The following GRM5 variants were observed in gnomAD, a reference collection of about 807,000 sequenced individuals.
GRM5 encodes the protein metabotropic glutamate receptor 5.
GRM5 carries 19 observed loss-of-function variants against 83.1 expected under a neutral mutation model. The ratio of observed to expected loss-of-function variants is 0.23; its 90% confidence interval spans 0.16 to 0.34. The LOEUF (loss-of-function observed/expected upper bound fraction) is 0.34, where lower values mean the gene tolerates loss of function less well. Ranked by LOEUF, GRM5 falls within the 10% of genes least tolerant of loss-of-function variation. The pLI is 1.00. For synonymous variants in GRM5, 675 were observed against 633.6 expected, an observed-to-expected ratio of 1.07 and a Z score of -0.98; for missense variants, 1,160 against 1,588.3, an observed-to-expected ratio of 0.73 and a Z score of 4.58.
At chr11:88,802,533 C>T (rs1051122049) in intron 3 of GRM5, among the ~76,000 whole-genome samples, 1 of 152,064 alleles carries the variant, frequency 6.6e-6, no homozygotes, top group African/African-American at 2.4e-5. Flanking sequence ...TGGGACATAT[C>T]CCAAAATAAT....
Position 88,814,791 on chromosome 11 carries a change from C to T in GRM5, c.911+35115G>A, listed in dbSNP as rs892340205. On this transcript the variant is annotated intron_variant, in intron 3 of 9. Coordinates refer to ENST00000305447, the MANE Select transcript of GRM5 (RefSeq NM_001143831.3). ...ATACAGAATAGTGGGAAAAAAACAA[C>T]CAATAATGAAAAAAAATAACAAGTA... is the stretch of plus-strand genomic sequence containing the variant. 2.6e-5 allele frequency among the ~76,000 whole-genome samples: 4 copies of T among 151,792 alleles called. No homozygotes were observed. The South Asian group carries it at 6.2e-4, about 24-fold the overall frequency.
chr11:88,575,376 A>G (rs543368906), intron 7 of GRM5, among the ~76,000 whole-genome samples: 1 of 152,204 alleles, frequency 6.6e-6, no homozygotes, highest in East Asian at 1.9e-4. Context: ...ACTTTCTGGG[A>G]CTGAGATTAA....
chr11:88,602,184 A>T (rs1938018539), intron 5 of GRM5, among the ~76,000 whole-genome samples: 1 of 152,090 alleles, frequency 6.6e-6, no homozygotes, highest in African/African-American at 2.4e-5. Flanking sequence ...AGTCTTGTTT[A>T]TCACAATGTG....
intron 2 of GRM5, among the ~76,000 whole-genome samples, chr11:89,001,105 C>T (rs992834295): frequency 6.6e-6 from 1 of 151,508 alleles, no homozygotes; most frequent in Non-Finnish European, 1.5e-5. Context: ...GTAAAATAAC[C>T]TGCTAGGTTA....
intron 2 of GRM5, among the ~76,000 whole-genome samples, chr11:89,008,724 A>G (rs1940599023): frequency 2.0e-5 from 3 of 152,128 alleles, no homozygotes; most frequent in Admixed American, 6.5e-5. Context: ...ATACTCTGCT[A>G]TTTCTAATTC....
At chr11:88,693,932 TG>T (rs1314742370) in intron 3 of GRM5, among the ~76,000 whole-genome samples, 20 of 152,200 alleles carry the variant, frequency 1.3e-4, no homozygotes, top group Non-Finnish European at 1.5e-5. Flanking sequence ...ATGTGAAATT[TG>T]TAAGCAAGTC....
At chr11:88,704,791 C>G (rs188856951) in intron 3 of GRM5, among the ~76,000 whole-genome samples, 3 of 151,962 alleles carry the variant, frequency 2.0e-5, no homozygotes, top group Admixed American at 2.0e-4. Context: ...CTTCTTCGCT[C>G]TATACTTTTT....
chr11:88,524,399 G>A (rs1008208087), intron 9 of GRM5, among the ~76,000 whole-genome samples: 2 of 151,808 alleles, frequency 1.3e-5, no homozygotes, highest in Non-Finnish European at 2.9e-5. Flanking sequence ...TGTGTTTTTA[G>A]TAGAGACGGG....
intron 4 of GRM5, among the ~76,000 whole-genome samples, chr11:88,628,067 G>A (rs1938851512): frequency 6.6e-6 from 1 of 152,016 alleles, no homozygotes; most frequent in Admixed American, 6.6e-5. Context: ...GTTTAAGCTT[G>A]AAATACTCTG....
chr11:88,651,017 G>C (rs114537619), intron 4 of GRM5, among the ~76,000 whole-genome samples: 20 of 151,966 alleles, frequency 1.3e-4, no homozygotes, highest in Non-Finnish European at 2.2e-4. Context: ...GATTCCAAGG[G>C]GGGGGATGGA....
chr11:89,020,099 A>G (rs557184632), intron 2 of GRM5, among the ~76,000 whole-genome samples: 1 of 152,318 alleles, frequency 6.6e-6, no homozygotes, highest in African/African-American at 2.4e-5. Flanking sequence ...AATTCTCACT[A>G]TTCCAGGGGC....
At chr11:88,598,370 A>G (rs893094428) in intron 5 of GRM5, among the ~76,000 whole-genome samples, 1 of 152,074 alleles carries the variant, frequency 6.6e-6, no homozygotes, top group Non-Finnish European at 1.5e-5. Flanking sequence ...ACTGGCATCA[A>G]TCTATTGAAA....
intron 4 of GRM5, among the ~76,000 whole-genome samples, chr11:88,605,788 C>T (rs184651201): frequency 6.6e-6 from 1 of 152,140 alleles, no homozygotes; most frequent in Non-Finnish European, 1.5e-5. Flanking sequence ...ACTAAAGGAA[C>T]TAAAATTTGT....
intron 2 of GRM5, among the ~76,000 whole-genome samples, chr11:89,037,272 G>A (rs1941412814): frequency 6.6e-6 from 1 of 151,894 alleles, no homozygotes; most frequent in Non-Finnish European, 1.5e-5. Context: ...ACTACATTGG[G>A]ATATTAAAAA....
intron 2 of GRM5, among the ~76,000 whole-genome samples, chr11:88,992,157 A>T (rs1028264607): frequency 1.3e-5 from 2 of 151,956 alleles, no homozygotes; most frequent in Admixed American, 1.3e-4. Flanking sequence ...AATGAACTCA[A>T]ACAAATTTAC....
intron 3 of GRM5, among the ~76,000 whole-genome samples, chr11:88,839,762 C>G (rs544647275): frequency 6.6e-6 from 1 of 152,296 alleles, no homozygotes; most frequent in African/African-American, 2.4e-5. Context: ...TAACTTTTGA[C>G]TCTCCTAAAT....
chr11:88,792,743 G>A (rs978640773), intron 3 of GRM5, among the ~76,000 whole-genome samples: 1 of 152,038 alleles, frequency 6.6e-6, no homozygotes, highest in East Asian at 1.9e-4. Context: ...TGGTTCTGAG[G>A]TGAAATACTG....
At chr11:89,055,535 T>A (rs1221336356) in intron 1 of GRM5, among the ~76,000 whole-genome samples, 3 of 152,028 alleles carry the variant, frequency 2.0e-5, no homozygotes, top group Admixed American at 1.3e-4. Context: ...ATGATTCCAT[T>A]TAACTGAGAT....
chr11:88,749,689 G>A (rs1218098150), intron 3 of GRM5, among the ~76,000 whole-genome samples: 1 of 152,132 alleles, frequency 6.6e-6, no homozygotes, highest in East Asian at 1.9e-4. Flanking sequence ...AGGACAGCCG[G>A]AGAGAAAGGC....
Sources: allele counts gnomAD v4.1 joint callset (sites outside exome capture counted in the v4.1 genomes callset), GRCh38; gene constraint gnomAD v4.1.1; transcripts MANE v1.5; gene names NCBI Gene and HGNC (gene_info 2026-07-23, HGNC 2026-07-21).